CCSER1: variants seen among roughly 807,000 people sequenced by gnomAD.
The protein encoded by CCSER1 is serine-rich coiled-coil domain-containing protein 1.
In CCSER1, 41 loss-of-function variants were observed where a neutral mutation model predicts 82.0. That is an observed-to-expected ratio of 0.50 (90% CI 0.39 to 0.65). The LOEUF (loss-of-function observed/expected upper bound fraction) is 0.65. CCSER1 is among the 30% of genes least tolerant of loss of function. The pLI is 0.00. For missense variants in CCSER1, 1,119 were observed against 1,064.2 expected, an observed-to-expected ratio of 1.05 and a Z score of -0.72; for synonymous variants, 414 against 383.9, an observed-to-expected ratio of 1.08 and a Z score of -0.92.
intron 10 of CCSER1, among the ~76,000 whole-genome samples, chr4:91,529,889 G>A (rs1250082193): frequency 6.6e-6 from 1 of 152,100 alleles, no homozygotes; most frequent in Non-Finnish European, 1.5e-5. Flanking sequence ...GGAAGACACA[G>A]GGAATTTATT....
At chr4:90,431,671 C>T (rs1758294504) in intron 4 of CCSER1, among the ~76,000 whole-genome samples, 1 of 152,078 alleles carries the variant, frequency 6.6e-6, no homozygotes, top group African/African-American at 2.4e-5. Context: ...CTAACGTTCA[C>T]TCAGTATTTG....
Position 91,476,275 on chromosome 4 carries a change from CTT to C in CCSER1, c.2218-122295_2218-122294del, listed in dbSNP as rs1317953826. 2.0e-5 allele frequency among the ~76,000 whole-genome samples: 3 copies of C among 151,762 alleles called. No homozygotes were observed. The East Asian group carries it at 5.8e-4, about 29-fold the overall frequency. On this transcript the variant is annotated intron_variant, in intron 10 of 10. Transcript: ENST00000509176. ...CCCACCAACAGTATATGAGTCTCTC[CTT>C]TCTCCACATCCTTGCAAGCATTATT... is the stretch of plus-strand genomic sequence containing the variant.
chr4:91,196,724 A>T (rs1735466885), intron 10 of CCSER1, among the ~76,000 whole-genome samples: 1 of 152,192 alleles, frequency 6.6e-6, no homozygotes, highest in Non-Finnish European at 1.5e-5. Flanking sequence ...ATTGAGCTAG[A>T]GTCATCGAAT....
At position 91,351,640 on chromosome 4, in the gene CCSER1, C is replaced by T. The variant is rs79990167; in HGVS notation, c.2218-246932C>T. On this transcript the variant is annotated intron_variant, in intron 10 of 10. Transcript: ENST00000509176. ...TATAAAATATGGGGAATATTTTTGC[C>T]CTGTGGATCATTTTAGATATGTTCT... Among the ~76,000 whole-genome samples the T allele has an allele frequency of 1.9e-4, 29 of 151,608 alleles. 1 individual carries two copies. In the East Asian group the frequency reaches 2.5e-3, roughly 13 times the overall value.
intron 10 of CCSER1, among the ~76,000 whole-genome samples, chr4:91,213,869 A>T (rs1737031034): frequency 6.6e-6 from 1 of 152,062 alleles, no homozygotes; most frequent in Non-Finnish European, 1.5e-5. Context: ...ATTGTTGTGG[A>T]TTCTTCCATG....
intron 1 of CCSER1, among the ~76,000 whole-genome samples, chr4:90,161,466 A>G (rs1020684675): frequency 2.0e-5 from 3 of 152,132 alleles, no homozygotes; most frequent in African/African-American, 4.8e-5. Flanking sequence ...GCATTTTGTT[A>G]TAATTAATTT....
chr4:91,251,164 C>G (rs1308965038), intron 10 of CCSER1, among the ~76,000 whole-genome samples: 1 of 152,042 alleles, frequency 6.6e-6, no homozygotes, highest in Non-Finnish European at 1.5e-5. Context: ...AGCTTAAAAC[C>G]CAGAAATTTA....
rs192934755 is a variant in CCSER1, at chr4:90,180,045, C to G, written c.-42+52214C>G. On this transcript the variant is annotated intron_variant, in intron 1 of 10. Transcript: ENST00000509176. ...ACTAAATTTTCTTATGGCTATAAAC[C>G]TTTTTCCTATAAACGTATTTGATTT... Among the ~76,000 whole-genome samples, 54 of 151,382 alleles carry G rather than the reference C, an allele frequency of 3.6e-4. 1 individual carries two copies. The East Asian group carries it at 9.9e-3, about 28-fold the overall frequency.
At chr4:91,174,999 T>A (rs937192513) in intron 10 of CCSER1, among the ~76,000 whole-genome samples, 1 of 152,000 alleles carries the variant, frequency 6.6e-6, no homozygotes, top group Non-Finnish European at 1.5e-5. Flanking sequence ...CAGGCCCCAG[T>A]GTGTGATGTT....
chr4:90,254,219 G>A (rs1480052886), intron 1 of CCSER1, among the ~76,000 whole-genome samples: 1 of 152,134 alleles, frequency 6.6e-6, no homozygotes, highest in Non-Finnish European at 1.5e-5. Flanking sequence ...AATAAAGCCA[G>A]ATCTTTTAGG....
At position 91,026,554 on chromosome 4, in the gene CCSER1, G is replaced by A. The variant is rs191211378; in HGVS notation, c.2173-59396G>A. Reference sequence around the variant, plus strand: ...ATTATACCAAACTACTTTGAAATATGTGACTAGAAACACATTTTAAATCAT... The same window carrying A: ...ATTATACCAAACTACTTTGAAATATATGACTAGAAACACATTTTAAATCAT... On this transcript the variant is annotated intron_variant, in intron 9 of 10. Transcript: ENST00000509176. Among the ~76,000 whole-genome samples the A allele has an allele frequency of 1.2e-4, 19 of 152,126 alleles. No individual in the cohort carries two copies. In the East Asian group the frequency reaches 3.1e-3, roughly 25 times the overall value.
intron 7 of CCSER1, among the ~76,000 whole-genome samples, chr4:90,761,738 G>T (rs1750437245): frequency 6.6e-6 from 1 of 152,134 alleles, no homozygotes; most frequent in Admixed American, 6.6e-5. Flanking sequence ...AGTGCTTTGG[G>T]TTAGGCGTTC....
At chr4:91,392,363 G>GCGCACACACACA (rs1553932164) in intron 10 of CCSER1, among the ~76,000 whole-genome samples, 3 of 148,118 alleles carry the variant, frequency 2.0e-5, no homozygotes, top group African/African-American at 7.5e-5. Context: ...ACCTACACAT[G>GCGCACACACACA]CACACACACA....
chr4:91,453,317 A>T (rs1334706548), intron 10 of CCSER1, among the ~76,000 whole-genome samples: 1 of 152,036 alleles, frequency 6.6e-6, no homozygotes, highest in East Asian at 1.9e-4. Context: ...TGAGAAAGTC[A>T]CCATGTTCAT....
intron 1 of CCSER1, among the ~76,000 whole-genome samples, chr4:90,284,494 A>ATT (rs34170994): frequency 5.8e-5 from 8 of 137,350 alleles, no homozygotes; most frequent in Non-Finnish European, 1.3e-4. Flanking sequence ...CTTTGAATTG[A>ATT]TTTTTTTTTT....
At chr4:91,207,685 G>A (rs142421528) in intron 10 of CCSER1, among the ~76,000 whole-genome samples, 24 of 151,962 alleles carry the variant, frequency 1.6e-4, no homozygotes, top group African/African-American at 5.8e-4. Flanking sequence ...GTGCTGCGGT[G>A]AACATACATG....
At chr4:91,320,112 T>G (rs1335164167) in intron 10 of CCSER1, among the ~76,000 whole-genome samples, 1 of 152,036 alleles carries the variant, frequency 6.6e-6, no homozygotes, top group Non-Finnish European at 1.5e-5. Flanking sequence ...ATCACAGTGC[T>G]TGTATTCAGA....
chr4:91,252,422 G>A (rs1341538024), intron 10 of CCSER1, among the ~76,000 whole-genome samples: 3 of 152,070 alleles, frequency 2.0e-5, no homozygotes, highest in Non-Finnish European at 4.4e-5. Context: ...ATAAAGATAA[G>A]TACATGGACA....
intron 1 of CCSER1, among the ~76,000 whole-genome samples, chr4:90,181,383 T>C (rs1482410264): frequency 6.6e-6 from 1 of 152,186 alleles, no homozygotes; most frequent in African/African-American, 2.4e-5. Context: ...GAACTTTTGG[T>C]ACATGCTACA....
Sources: gnomAD v4.1 joint callset for allele counts (sites outside exome capture counted in the v4.1 genomes callset) on GRCh38, gnomAD v4.1.1 for gene constraint, MANE v1.5 for transcripts, NCBI Gene and HGNC (gene_info 2026-07-23, HGNC 2026-07-21) for gene names.